The following SYNE2 variants were observed in gnomAD, a reference collection of about 807,000 sequenced individuals.
SYNE2 encodes nesprin-2.
Under a neutral mutation model 856.3 loss-of-function variants are expected in SYNE2, and 431 were observed. The observed-to-expected ratio is 0.50, with a 90% CI of 0.47 to 0.55. The LOEUF is 0.55. SYNE2 is among the 20% of genes least tolerant of loss of function. The probability of loss-of-function intolerance (pLI) is 0.00; values close to 1 mark genes in which losing one functional copy is unlikely to be tolerated. For synonymous variants in SYNE2, 2,923 were observed against 2,872.3 expected (o/e 1.02, Z -0.56); for missense variants, 8,129 against 8,023.2 (o/e 1.01, Z -0.50).
chr14:64,112,916 T>G, intron 65 of SYNE2: 2 of 740,800 alleles, frequency 2.7e-6, no homozygotes, highest in Non-Finnish European at 3.3e-6. Flanking sequence ...AAAGATCGTG[T>G]TCTGTTTTGT....
At chr14:64,170,164 C>T in intron 93 of SYNE2, 64 bp from the exon 94 acceptor site, 1 of 1,487,956 alleles carries the variant, frequency 6.7e-7, no homozygotes, top group Non-Finnish European at 9.4e-7. Context: ...CTGCTATTAC[C>T]CACTGATAGT....
intron 107 of SYNE2, chr14:64,215,798 C>G: frequency 1.9e-6 from 1 of 526,920 alleles, no homozygotes; most frequent in Admixed American, 4.2e-5. Flanking sequence ...CCTTCCTTTC[C>G]TTGATTTGCA....
In SYNE2 at chr14:64,219,327, A is replaced by G. The variant is rs755430097; in HGVS notation, c.19777A>G (p.Thr6593Ala). The G allele has an allele frequency of 3.1e-6, 5 of 1,614,164 alleles. No homozygotes were observed. The highest frequency in any genetic ancestry group is 1.3e-5 in the African/African-American group (1 of 75,034). Residue 6593 changes from threonine to alanine, a missense_variant, in exon 110 of 116, where the codon ACT becomes GCT. By Grantham distance (58) the Thr-to-Ala change is moderately conservative. Around this residue, in one of 3 missense-constraint regions of SYNE2, gnomAD observed 5,410 missense variants for 5,284.8 expected, o/e 1.02. Coordinates refer to ENST00000555002, the MANE Select transcript of SYNE2 (RefSeq NM_182914.3). The stretch of plus-strand genomic sequence containing the variant: ...CGCCATCACTACTTGGCTGAAAAAA[A>G]CTGAAGCAGAGCTGGAAATGTTAAA... ...ISAITTWLKK[T>A]EAELEMLKMA...
At position 64,074,040 on chromosome 14, in the gene SYNE2, A is replaced by T. The variant is rs200301350; in HGVS notation, c.10770A>T (p.Lys3590Asn). ...TCCAAGAAAGACATTCCTTCACAAA[A>T]GAGATAATTGCTTTGAAGAATTTCT... The part of the protein sequence containing the change: ...TEIQERHSFT[K>N]EIIALKNFFQ... The change falls in exon 53 of 116, where the codon AAA (lysine) becomes AAT (asparagine). Residue 3590 changes from lysine to asparagine, a missense_variant. Coordinates refer to ENST00000555002, the MANE Select transcript of SYNE2 (RefSeq NM_182914.3). 1 of 1,614,240 alleles carries T rather than the reference A, an allele frequency of 6.2e-7. No individual in the cohort carries two copies. Among genetic ancestry groups the T allele is most frequent in the African/African-American group, 1.3e-5 (1 of 75,084 alleles).
intron 1 of SYNE2, among the ~76,000 whole-genome samples, chr14:63,885,345 T>C (rs1157234102): frequency 2.6e-5 from 4 of 151,990 alleles, no homozygotes; most frequent in African/African-American, 4.8e-5. Context: ...CTCTGTGAAG[T>C]TGGCGAGGCT....
chr14:64,029,669 C>G (rs1594973241), intron 43 of SYNE2, among the ~76,000 whole-genome samples: 1 of 52,016 alleles, frequency 1.9e-5, no homozygotes, highest in Non-Finnish European at 6.6e-5. Context: ...GGCAAAGAAG[C>G]ATGGAAAAAA....
chr14:64,082,191 A>G (rs1484884688), intron 57 of SYNE2, among the ~76,000 whole-genome samples: 1 of 152,184 alleles, frequency 6.6e-6, no homozygotes, highest in Non-Finnish European at 1.5e-5. Context: ...ACCTGAAAGA[A>G]TAATACTTGA....
chr14:64,081,959 G>A (rs549460954), intron 57 of SYNE2, among the ~76,000 whole-genome samples: 5 of 152,102 alleles, frequency 3.3e-5, no homozygotes, highest in East Asian at 3.9e-4. Context: ...GGTGGCGGGC[G>A]CCTGTAGTCC....
At chr14:64,140,200 C>T in intron 80 of SYNE2, 127 bp downstream of exon 80, 1 of 866,634 alleles carries the variant, frequency 1.2e-6, no homozygotes, top group Non-Finnish European at 1.9e-6. Context: ...GGGCGAATGG[C>T]AGCTGTGTTC....
rs200848069 is a variant in SYNE2, at chr14:63,990,499, A to G, written c.2402A>G (p.Gln801Arg). The G allele has an allele frequency of 5.3e-4, 862 of 1,613,906 alleles. 1 individual carries two copies. Among genetic ancestry groups the G allele is most frequent in the Non-Finnish European group, 6.7e-4 (786 of 1,179,904 alleles). ...LQMDIQNISS[Q>R]ESFQHVLTTG... is the part of the protein sequence containing the mutation. The stretch of plus-strand genomic sequence containing the variant: ...ATGGATATACAAAATATTTCAAGCC[A>G]GGAGTCCTTTCAACATGTTCTCACA... Residue 801 changes from glutamine (Q) to arginine (R), a missense_variant, in exon 20 of 116, where the codon CAG becomes CGG. By Grantham distance (43) the Gln-to-Arg change is conservative (BLOSUM62 1). Coordinates refer to ENST00000555002, the MANE Select transcript of SYNE2 (RefSeq NM_182914.3).
chr14:64,113,319 C>T, intron 65 of SYNE2, 22 bp from the exon 66 acceptor site: 1 of 1,613,090 alleles, frequency 6.2e-7, no homozygotes, highest in Non-Finnish European at 8.5e-7. Context: ...GACTCCCTGG[C>T]TTATCTTTGG....
At chr14:64,053,809 C>G in intron 48 of SYNE2, 152 bp downstream of exon 48, 1 of 604,620 alleles carries the variant, frequency 1.7e-6, no homozygotes, top group Non-Finnish European at 2.7e-6. Flanking sequence ...ACTAAAAATA[C>G]AAAAAAAAAA....
chr14:63,944,824 C>CTTTTTTTTTT lies in SYNE2; in HGVS notation c.408+2697_408+2706dup, dbSNP rs55906748. On this transcript the variant is annotated intron_variant, in intron 6 of 115. Coordinates refer to ENST00000555002, the MANE Select transcript of SYNE2 (RefSeq NM_182914.3). ...GTGAGCCACCGTGCTGGGCTTAAAG[C>CTTTTTTTTTT]TTTTTTTTTTTTTTTTTTTTTTTTT... Among the ~76,000 whole-genome samples the CTTTTTTTTTT allele has an allele frequency of 8.7e-4, 41 of 46,952 alleles. 4 individuals are homozygous for CTTTTTTTTTT. The highest frequency in any genetic ancestry group is 1.7e-3 in the South Asian group (2 of 1,160). 30.8% of individuals were successfully genotyped at this position (46,952 alleles called of 152,430 possible).
intron 1 of SYNE2, among the ~76,000 whole-genome samples, chr14:63,821,240 T>G (rs1042801401): frequency 3.3e-5 from 5 of 152,160 alleles, no homozygotes; most frequent in Admixed American, 1.3e-4. Context: ...TTCACAATAA[T>G]TTTTATACTG....
At chr14:63,810,309 G>A (rs1888569330) in intron 1 of SYNE2, among the ~76,000 whole-genome samples, 1 of 152,024 alleles carries the variant, frequency 6.6e-6, no homozygotes. Context: ...TTGCATGGAA[G>A]CATGTTGAAT....
chr14:64,019,575 G>A (rs892762982), intron 34 of SYNE2, among the ~76,000 whole-genome samples: 1 of 152,172 alleles, frequency 6.6e-6, no homozygotes, highest in Non-Finnish European at 1.5e-5. Context: ...ATTACAGGTT[G>A]TTTAAAAATC....
chr14:64,061,464 A>G (rs1406180207), intron 49 of SYNE2, among the ~76,000 whole-genome samples: 2 of 152,204 alleles, frequency 1.3e-5, no homozygotes, highest in African/African-American at 4.8e-5. Context: ...GATTTTGCCA[A>G]TTTCCACTCA....
At chr14:64,165,473 T>A in intron 90 of SYNE2, 63 bp downstream of exon 90, 1 of 1,558,502 alleles carries the variant, frequency 6.4e-7, no homozygotes, top group Non-Finnish European at 8.8e-7. Context: ...AAAAATAAGC[T>A]GATTACTGTG....
chr14:64,172,926 C>T (rs1274465359), intron 94 of SYNE2, among the ~76,000 whole-genome samples: 1 of 150,324 alleles, frequency 6.7e-6, no homozygotes, highest in Non-Finnish European at 1.5e-5. Flanking sequence ...CAGAGCAAGA[C>T]CTGTCTGGAA....
Sources: allele counts gnomAD v4.1 joint callset (sites outside exome capture counted in the v4.1 genomes callset), GRCh38; gene constraint gnomAD v4.1.1; regional missense constraint gnomAD v4.1.1; transcripts MANE v1.5; gene names NCBI Gene and HGNC (gene_info 2026-07-23, HGNC 2026-07-21).